Variants in RANBP2 observed in about 807,000 individuals in gnomAD.
The protein encoded by RANBP2 is E3 SUMO-protein ligase RanBP2.
RANBP2 carries 57 observed loss-of-function variants against 303.6 expected under a neutral mutation model. The observed-to-expected ratio is 0.19, with a 90% CI of 0.15 to 0.23. The LOEUF is 0.23. RANBP2 is among the 10% of genes least tolerant of loss of function. The pLI, the probability that RANBP2 is intolerant of heterozygous loss-of-function variation, is 1.00. For synonymous variants in RANBP2, 1,167 were observed against 1,301.5 expected (o/e 0.90, Z 2.23); for missense variants, 3,138 against 3,780.8 (o/e 0.83, Z 4.46).
chr2:109,373,109 T>C, the RANBP2 span, among the ~76,000 whole-genome samples: 2 of 152,178 alleles, frequency 1.3e-5, no homozygotes, highest in Non-Finnish European at 2.9e-5. Context: ...CCCACAGCAA[T>C]GGCAGATAAT....
chr2:109,564,177 G>T, the RANBP2 span: 1 of 459,720 alleles, frequency 2.2e-6, no homozygotes, highest in Non-Finnish European at 3.6e-6. Context: ...GACTTAAAAA[G>T]CAAGACTCTT....
chr2:109,481,953 A>G, the RANBP2 span, among the ~76,000 whole-genome samples: 1 of 152,194 alleles, frequency 6.6e-6, no homozygotes, highest in Non-Finnish European at 1.5e-5. Context: ...GTGCTCCCCT[A>G]CAAAATGACT....
the RANBP2 span, among the ~76,000 whole-genome samples, chr2:109,680,458 A>G: frequency 6.6e-6 from 1 of 152,160 alleles, no homozygotes; most frequent in Non-Finnish European, 1.5e-5. Flanking sequence ...GAGGGAAAAA[A>G]TAATTAAGCT....
At chr2:109,269,413 C>T in the RANBP2 span, among the ~76,000 whole-genome samples, 7 of 152,292 alleles carry the variant, frequency 4.6e-5, no homozygotes, top group Admixed American at 6.5e-5. Flanking sequence ...CTCTGCTGGC[C>T]GACCACATCC....
At chr2:109,234,810 A>G in the RANBP2 span, among the ~76,000 whole-genome samples, 157 of 152,308 alleles carry the variant, frequency 1.0e-3, 1 homozygote, top group African/African-American at 3.6e-3. Flanking sequence ...GGGAAATTCA[A>G]CCATGATATG....
chr2:108,778,289 A>G (rs1285519337), intron 25 of RANBP2, among the ~76,000 whole-genome samples: 1 of 152,136 alleles, frequency 6.6e-6, no homozygotes, highest in Non-Finnish European at 1.5e-5. Flanking sequence ...ACTTCTCACT[A>G]CCACTTGTCA....
At chr2:109,726,885 G>C in the RANBP2 span, among the ~76,000 whole-genome samples, 11 of 152,186 alleles carry the variant, frequency 7.2e-5, no homozygotes, top group Non-Finnish European at 1.3e-4. Flanking sequence ...CCTCACACTG[G>C]CTGCATGCCA....
chr2:109,726,019 C>T, the RANBP2 span, among the ~76,000 whole-genome samples: 8 of 151,344 alleles, frequency 5.3e-5, no homozygotes, highest in Non-Finnish European at 1.2e-4. Flanking sequence ...ATGTGTGAGC[C>T]ACTGCTCCCA....
Position 108,719,533 on chromosome 2 carries a change from T to G in RANBP2, c.-74T>G, listed in dbSNP as rs2149044895. 6.4e-7 allele frequency: 1 copy of G among 1,554,824 alleles called. No individual in the cohort carries two copies. The highest frequency in any genetic ancestry group is 1.2e-5 in the South Asian group (1 of 84,560). ...CTGCGTCACTGGTTTGCAGGCGCTT[T>G]CCTCTTGGAAGTGGCGACTGCTGCG... On this transcript the variant is annotated 5_prime_UTR_variant, in exon 1 of 29. Transcript: ENST00000283195.
the RANBP2 span, among the ~76,000 whole-genome samples, chr2:109,287,045 CTT>C: frequency 2.6e-5 from 4 of 152,194 alleles, no homozygotes; most frequent in African/African-American, 9.7e-5. Flanking sequence ...CTCTCAGCAA[CTT>C]TCTGATTTGC....
chr2:109,198,252 T>C, the RANBP2 span, among the ~76,000 whole-genome samples: 2 of 152,208 alleles, frequency 1.3e-5, no homozygotes, highest in East Asian at 3.8e-4. Context: ...GCCTGTGATC[T>C]AAGCCCTGTG....
At chr2:109,362,435 A>G in the RANBP2 span, among the ~76,000 whole-genome samples, 1 of 152,130 alleles carries the variant, frequency 6.6e-6, no homozygotes, top group Non-Finnish European at 1.5e-5. Context: ...TAGACATTGT[A>G]TGATTTTTAT....
chr2:109,509,905 A>G, the RANBP2 span, among the ~76,000 whole-genome samples: 1 of 152,208 alleles, frequency 6.6e-6, no homozygotes, highest in African/African-American at 2.4e-5. Context: ...AAATTAATCA[A>G]AATAACTAGG....
chr2:109,038,824 T>C, the RANBP2 span, among the ~76,000 whole-genome samples: 1 of 152,212 alleles, frequency 6.6e-6, no homozygotes, highest in East Asian at 1.9e-4. Context: ...TTTCTCCACA[T>C]TCTAGTAGTT....
chr2:109,619,471 AT>A, the RANBP2 span, among the ~76,000 whole-genome samples: 1 of 152,188 alleles, frequency 6.6e-6, no homozygotes, highest in Non-Finnish European at 1.5e-5. Context: ...TAATTACCTC[AT>A]CAAGGCTTCC....
the RANBP2 span, among the ~76,000 whole-genome samples, chr2:109,610,925 G>A: frequency 6.6e-6 from 1 of 152,298 alleles, no homozygotes; most frequent in East Asian, 1.9e-4. Flanking sequence ...CTGGGGGAGA[G>A]AAGAATAAAG....
At chr2:109,358,305 G>A in the RANBP2 span, among the ~76,000 whole-genome samples, 4 of 152,186 alleles carry the variant, frequency 2.6e-5, no homozygotes, top group African/African-American at 7.2e-5. Context: ...CCTACTAAAC[G>A]ACATCTTGGT....
At chr2:108,918,569 C>A in the RANBP2 span, among the ~76,000 whole-genome samples, 6 of 152,168 alleles carry the variant, frequency 3.9e-5, 1 homozygote, top group South Asian at 1.2e-3. Context: ...CTCACAAGGC[C>A]TATTTTAAAG....
chr2:109,243,955 A>T, the RANBP2 span, among the ~76,000 whole-genome samples: 1 of 152,216 alleles, frequency 6.6e-6, no homozygotes, highest in Non-Finnish European at 1.5e-5. Flanking sequence ...AGCCATGGGC[A>T]CTTGGTGGTT....
Sources: allele counts gnomAD v4.1 joint callset (sites outside exome capture counted in the v4.1 genomes callset), GRCh38; gene constraint gnomAD v4.1.1; transcripts MANE v1.5; gene names NCBI Gene and HGNC (gene_info 2026-07-23, HGNC 2026-07-21).